Variants in CSMD1 observed in about 807,000 individuals in gnomAD.
The protein encoded by CSMD1 is CUB and sushi domain-containing protein 1.
A neutral mutation model predicts 417.5 loss-of-function variants in CSMD1; 213 were observed. The ratio of observed to expected loss-of-function variants is 0.51; its 90% CI spans 0.46 to 0.57. CSMD1 has a LOEUF of 0.57. Among genes scored for constraint, CSMD1 ranks in the 20% least tolerant of loss-of-function variants. CSMD1 has a pLI of 0.00. For synonymous variants in CSMD1, 2,862 were observed against 1,736.8 expected (o/e 1.65, Z -16.11); for missense variants, 6,923 against 4,529.7 (o/e 1.53, Z -15.17).
chr8:3,934,555 T>G (rs1810357747), intron 5 of CSMD1, among the ~76,000 whole-genome samples: 8 of 152,136 alleles, frequency 5.3e-5, no homozygotes, highest in Admixed American at 5.2e-4. Flanking sequence ...AACTAAGGGT[T>G]AAACAATTGG....
intron 2 of CSMD1, among the ~76,000 whole-genome samples, chr8:4,590,619 T>C (rs1799939434): frequency 6.6e-6 from 1 of 152,154 alleles, no homozygotes; most frequent in South Asian, 2.1e-4. Context: ...ATACTGTTAA[T>C]ATATGTTGTT....
chr8:4,248,373 A>T (rs10429449), intron 3 of CSMD1, among the ~76,000 whole-genome samples: 5,132 of 152,216 alleles, frequency 0.034, 268 homozygotes, highest in African/African-American at 0.12. Context: ...TCCCTTGGTG[A>T]GTGCTGGTTT....
rs374286798 is a variant in CSMD1 at position 3,272,246 on chromosome 8, T to C, written c.4153+11898A>G. ...GTCAAAGATCAGATAGTTGTAGATA[T>C]GCGGCGTTATTTCTGAGGGCTCTGT... is the stretch of plus-strand genomic sequence containing the variant. On this transcript the variant is annotated intron_variant, in intron 26 of 69. Transcript: ENST00000635120. 6.2e-3 allele frequency among the ~76,000 whole-genome samples: 900 copies of C among 144,794 alleles called. 25 individuals are homozygous for C. Among genetic ancestry groups the C allele is most frequent in the African/African-American group, 0.022 (847 of 38,972 alleles). The allele number at this position is 144,794 out of a possible 152,430, so 95.0% of individuals were successfully genotyped here.
At position 4,627,928 on chromosome 8, in the gene CSMD1, C is replaced by T. The variant is rs150673554; in HGVS notation, c.302+9414G>A. The stretch of plus-strand genomic sequence containing the variant: ...GTGAGATATCCTGTCCACTGCAGGA[C>T]GATGATCAGCATCTCTAGATTATAC... On this transcript the variant is annotated intron_variant, in intron 2 of 69. Coordinates refer to ENST00000635120, the MANE Select transcript of CSMD1 (RefSeq NM_033225.6). Among the ~76,000 whole-genome samples, 245 of 152,100 alleles carry T rather than the reference C, an allele frequency of 1.6e-3. 2 individuals carry two copies. Among genetic ancestry groups the T allele is most frequent in the Middle Eastern group, 0.014 (4 of 294 alleles).
chr8:3,844,267 G>C (rs201038119), intron 5 of CSMD1, among the ~76,000 whole-genome samples: 7 of 152,166 alleles, frequency 4.6e-5, no homozygotes, highest in African/African-American at 1.4e-4. Context: ...TGACGGATGG[G>C]TGGGTGATAT....
intron 2 of CSMD1, among the ~76,000 whole-genome samples, chr8:4,496,064 T>G (rs1801962317): frequency 6.6e-6 from 1 of 152,192 alleles, no homozygotes; most frequent in Non-Finnish European, 1.5e-5. Context: ...TTTCTTTTGT[T>G]CCACTTAAAT....
intron 5 of CSMD1, among the ~76,000 whole-genome samples, chr8:3,993,051 G>C (rs1270878538): frequency 1.3e-5 from 2 of 152,216 alleles, no homozygotes; most frequent in Non-Finnish European, 2.9e-5. Flanking sequence ...GACCAGAAAA[G>C]ACATCAGTAG....
At chr8:4,295,378 T>C (rs1472086907) in intron 3 of CSMD1, among the ~76,000 whole-genome samples, 1 of 144,458 alleles carries the variant, frequency 6.9e-6, no homozygotes, top group Non-Finnish European at 1.5e-5. Context: ...ATGTATCTTA[T>C]TATACACATA....
chr8:3,726,774 G>A (rs371243924), intron 6 of CSMD1, among the ~76,000 whole-genome samples: 2 of 152,134 alleles, frequency 1.3e-5, no homozygotes, highest in East Asian at 3.8e-4. Flanking sequence ...CTTATTCTTA[G>A]CATGCCCTCT....
intron 3 of CSMD1, among the ~76,000 whole-genome samples, chr8:4,227,341 C>T (rs559510407): frequency 2.0e-5 from 3 of 152,100 alleles, no homozygotes; most frequent in Non-Finnish European, 4.4e-5. Flanking sequence ...CCCTGCCTGT[C>T]CTAATAAGAG....
intron 1 of CSMD1, among the ~76,000 whole-genome samples, chr8:4,943,277 C>A: frequency 6.6e-6 from 1 of 152,018 alleles, no homozygotes; most frequent in East Asian, 1.9e-4. Context: ...GGGCAGATCA[C>A]GAGGTCAGGA....
chr8:3,809,207 C>T (rs1380831396), intron 5 of CSMD1, among the ~76,000 whole-genome samples: 1 of 152,184 alleles, frequency 6.6e-6, no homozygotes, highest in African/African-American at 2.4e-5. Flanking sequence ...TCTCACCCAT[C>T]AGGTCTCCAG....
chr8:3,757,663 G>C (rs940033866), intron 5 of CSMD1, among the ~76,000 whole-genome samples: 3 of 152,046 alleles, frequency 2.0e-5, no homozygotes, highest in Non-Finnish European at 4.4e-5. Context: ...AAGAGTTCAA[G>C]ACAAGCATGG....
In CSMD1 at chr8:3,412,038, ATATATACACG is replaced by A. The variant is rs1563362311; in HGVS notation, c.1562-2443_1562-2434del. 4.2e-4 allele frequency among the ~76,000 whole-genome samples: 34 copies of A among 81,126 alleles called. 12 individuals are homozygous for A. The highest frequency in any genetic ancestry group is 1.1e-3 in the African/African-American group (21 of 18,986). The allele number at this position is 81,126 out of a possible 152,430, so 53.2% of individuals were successfully genotyped here. On this transcript the variant is annotated intron_variant, in intron 12 of 69. Transcript: ENST00000635120. ...TACATATACACACGTATATATACAC[ATATATACACG>A]TATATATACACACGTATATATACAT...
chr8:3,899,016 A>G (rs1466558359), intron 5 of CSMD1, among the ~76,000 whole-genome samples: 6 of 152,210 alleles, frequency 3.9e-5, no homozygotes, highest in Admixed American at 2.6e-4. Context: ...GCTAGAAGCC[A>G]CAAAGGTCGT....
At chr8:4,335,311 G>A (rs191583375) in intron 3 of CSMD1, among the ~76,000 whole-genome samples, 1 of 152,208 alleles carries the variant, frequency 6.6e-6, no homozygotes, top group African/African-American at 2.4e-5. Flanking sequence ...GGGAGGGTGA[G>A]GATTTCAACC....
At chr8:3,959,179 C>A (rs1812160112) in intron 5 of CSMD1, among the ~76,000 whole-genome samples, 2 of 152,178 alleles carry the variant, frequency 1.3e-5, no homozygotes, top group Non-Finnish European at 2.9e-5. Flanking sequence ...TACAGGGCAT[C>A]TTTTTAAAAA....
intron 1 of CSMD1, among the ~76,000 whole-genome samples, chr8:4,715,929 A>G (rs1808625875): frequency 6.6e-6 from 1 of 152,254 alleles, no homozygotes; most frequent in South Asian, 2.1e-4. Flanking sequence ...TAATAGCTAA[A>G]ATTGTCTTGT....
In CSMD1 at chr8:4,795,459, A is replaced by T. The variant is rs143383191; in HGVS notation, c.86-157901T>A. Among the ~76,000 whole-genome samples the T allele has an allele frequency of 7.9e-3, 1,198 of 151,242 alleles. 16 individuals carry two copies. The highest frequency in any genetic ancestry group is 0.032 in the South Asian group (150 of 4,748). On this transcript the variant is annotated intron_variant, in intron 1 of 69. Transcript: ENST00000635120. ...GCTAACTTTTGTATTTTTAGTAGAG[A>T]TGGGGTTTCACCGTGTTAGCCAGGA... is the stretch of plus-strand genomic sequence containing the variant.
Sources: gnomAD v4.1 joint callset for allele counts (sites outside exome capture counted in the v4.1 genomes callset) on GRCh38, gnomAD v4.1.1 for gene constraint, MANE v1.5 for transcripts, NCBI Gene and HGNC (gene_info 2026-07-23, HGNC 2026-07-21) for gene names.